The following CCDC32 variants were observed in gnomAD, a reference collection of about 807,000 sequenced individuals.
CCDC32 encodes the protein coiled-coil domain-containing protein 32.
A neutral mutation model predicts 20.1 loss-of-function variants in CCDC32; 9 were observed. That is an observed-to-expected ratio of 0.45 (90% CI 0.27 to 0.78). CCDC32 has a LOEUF of 0.78. Ranked by LOEUF, CCDC32 falls within the 30% of genes least tolerant of loss-of-function variation. The pLI is 0.16. For missense variants in CCDC32, 204 were observed against 215.5 expected (o/e 0.95, Z 0.33); for synonymous variants, 63 against 79.0 (o/e 0.80, Z 1.07).
chr15:40,522,071 T>C, the CCDC32 span, among the ~76,000 whole-genome samples: 1 of 152,180 alleles, frequency 6.6e-6, no homozygotes, highest in Non-Finnish European at 1.5e-5. Context: ...CTAAGAAATA[T>C]ATGGTTTCTC....
At chr15:40,526,201 AT>A (rs1038328519), downstream of CCDC32, among the ~76,000 whole-genome samples, 1 of 151,540 alleles carries the variant, frequency 6.6e-6, no homozygotes, top group African/African-American at 2.4e-5. Context: ...CTTCCAGAAC[AT>A]TTTTTTTCAT....
At chr15:40,563,810 T>TTTTC (rs1245045896) in intron 1 of CCDC32, among the ~76,000 whole-genome samples, 1 of 139,746 alleles carries the variant, frequency 7.2e-6, no homozygotes. Context: ...TTCTGTTTTT[T>TTTTC]TTTCTTTCTT....
At chr15:40,559,262 A>G (rs1890461549) in intron 2 of CCDC32, among the ~76,000 whole-genome samples, 1 of 152,160 alleles carries the variant, frequency 6.6e-6, no homozygotes, top group African/African-American at 2.4e-5. Flanking sequence ...ATTTTTAAAA[A>G]TGTATTTGTA....
At chr15:40,523,163 A>C in the CCDC32 span, among the ~76,000 whole-genome samples, 1 of 151,574 alleles carries the variant, frequency 6.6e-6, no homozygotes, top group African/African-American at 2.4e-5. Context: ...TGGGATTACA[A>C]GAGTGAGCCA....
chr15:40,524,875 T>C (rs981625754), downstream of CCDC32, among the ~76,000 whole-genome samples: 2 of 150,510 alleles, frequency 1.3e-5, no homozygotes, highest in South Asian at 2.1e-4. Flanking sequence ...TACAGGCCTA[T>C]GCCACTATGC....
the CCDC32 span, among the ~76,000 whole-genome samples, chr15:40,522,939 G>A: frequency 0.27 from 40,525 of 149,220 alleles, 6,582 homozygotes; most frequent in Middle Eastern, 0.38. Context: ...CGATTCTCCC[G>A]CCTCAACCTC....
chr15:40,527,211 C>T (rs1894910293), downstream of CCDC32, among the ~76,000 whole-genome samples: 1 of 151,912 alleles, frequency 6.6e-6, no homozygotes, highest in South Asian at 2.1e-4. Context: ...CACTCTGTCA[C>T]CTAGGCTAGA....
chr15:40,558,491 A>T (rs1341171831), intron 2 of CCDC32, among the ~76,000 whole-genome samples: 1 of 152,148 alleles, frequency 6.6e-6, no homozygotes, highest in African/African-American at 2.4e-5. Flanking sequence ...GTTATTTAAC[A>T]ATAAAAACAA....
downstream of CCDC32, among the ~76,000 whole-genome samples, chr15:40,532,706 TTTTC>T (rs757607356): frequency 8.4e-4 from 106 of 126,342 alleles, no homozygotes; most frequent in African/African-American, 2.9e-3. Flanking sequence ...CTTGAATTTG[TTTTC>T]TTTCTTTTTT....
intron 3 of CCDC32, chr15:40,528,831 C>T: frequency 1.4e-6 from 1 of 692,412 alleles, no homozygotes; most frequent in Non-Finnish European, 2.6e-6. Flanking sequence ...AAAAGAAAAC[C>T]CCTCAACAGT....
At chr15:40,560,724 T>G (rs1449370804) in intron 2 of CCDC32, among the ~76,000 whole-genome samples, 2 of 152,218 alleles carry the variant, frequency 1.3e-5, no homozygotes, top group Admixed American at 1.3e-4. Context: ...AGACAATAGA[T>G]GTTGGCACGG....
In CCDC32 at chr15:40,557,294, T is replaced by C. The variant is rs897128402; in HGVS notation, c.323A>G (p.Lys108Arg). 9 of 1,614,210 alleles carry C rather than the reference T, an allele frequency of 5.6e-6. No homozygotes were observed. The highest frequency in any genetic ancestry group is 7.6e-6 in the Non-Finnish European group (9 of 1,180,018). The stretch of plus-strand genomic sequence containing the variant: ...GAGGAACCGATCCCAGCATTCCTTC[T>C]TGGCTTGGGCCAGAGTTCGAAGCAT... ...KDMLRTLAQAKKECWDRFLQE... is the reference protein window; with the variant it reads ...KDMLRTLAQARKECWDRFLQE... The change falls in exon 3 of 4, where the codon AAG becomes AGG. Residue 108 changes from lysine (K) to arginine (R), a missense_variant. Physicochemically the swap from Lys to Arg is conservative, Grantham distance 26. Transcript: ENST00000416810.
intron 2 of CCDC32, among the ~76,000 whole-genome samples, chr15:40,559,188 C>G (rs993207947): frequency 4.6e-5 from 7 of 152,140 alleles, no homozygotes; most frequent in African/African-American, 1.7e-4. Context: ...CTGCTAGGCT[C>G]AAGCAATCCT....
intron 2 of CCDC32, chr15:40,561,832 G>T (rs1178992420): frequency 6.6e-6 from 1 of 151,508 alleles, no homozygotes; most frequent in Non-Finnish European, 1.5e-5. Flanking sequence ...CACAATAAAA[G>T]GATATTACAA....
chr15:40,562,644 C>T, intron 2 of CCDC32, 128 bp downstream of exon 2: 1 of 1,122,166 alleles, frequency 8.9e-7, no homozygotes, highest in Non-Finnish European at 1.3e-6. Flanking sequence ...CAACAGCCGG[C>T]TTGAAACATC....
At chr15:40,549,660 A>AG (rs1435777556), downstream of CCDC32, among the ~76,000 whole-genome samples, 1 of 152,198 alleles carries the variant, frequency 6.6e-6, no homozygotes, top group East Asian at 1.9e-4. Context: ...GGAACATGGC[A>AG]GGGGCTCAAC....
downstream of CCDC32, among the ~76,000 whole-genome samples, chr15:40,523,884 T>C (rs1376215425): frequency 6.6e-6 from 1 of 152,178 alleles, no homozygotes; most frequent in African/African-American, 2.4e-5. Context: ...AGAAAACATA[T>C]TGGCAGTTTT....
At chr15:40,528,157 G>A (rs756235888), downstream of CCDC32, among the ~76,000 whole-genome samples, 23 of 152,332 alleles carry the variant, frequency 1.5e-4, no homozygotes, top group South Asian at 1.9e-3. Flanking sequence ...AGCTCTGGCC[G>A]CTCTCATGGG....
intron 3 of CCDC32, chr15:40,539,423 C>A: frequency 7.3e-7 from 1 of 1,363,456 alleles, no homozygotes; most frequent in Non-Finnish European, 1.0e-6. Context: ...CACACACTAA[C>A]AGAGTCAAAG....
Sources: gnomAD v4.1 joint callset for allele counts (sites outside exome capture counted in the v4.1 genomes callset) on GRCh38, gnomAD v4.1.1 for gene constraint, MANE v1.5 for transcripts, NCBI Gene and HGNC (gene_info 2026-07-23, HGNC 2026-07-21) for gene names.